MCU: variants seen among roughly 807,000 people sequenced by gnomAD.
MCU encodes mitochondrial calcium uniporter.
MCU carries 12 observed loss-of-function variants against 45.2 expected under a neutral mutation model. The observed-to-expected ratio is 0.27, with a 90% CI of 0.17 to 0.43. The LOEUF (loss-of-function observed/expected upper bound fraction) is 0.43, where lower values mean the gene tolerates loss of function less well. Among genes scored for constraint, MCU ranks in the 20% least tolerant of loss-of-function variants. MCU has a pLI of 1.00. For missense variants in MCU, 324 were observed against 436.7 expected, an observed-to-expected ratio of 0.74 and a Z score of 2.30; for synonymous variants, 160 against 165.1, an observed-to-expected ratio of 0.97 and a Z score of 0.24.
intron 1 of MCU, among the ~76,000 whole-genome samples, chr10:72,813,055 C>T (rs1723368010): frequency 6.6e-6 from 1 of 152,106 alleles, no homozygotes; most frequent in South Asian, 2.1e-4. Flanking sequence ...TAGTTCCTAG[C>T]CCAGTGTCCT....
intron 2 of MCU, among the ~76,000 whole-genome samples, chr10:72,846,542 T>C (rs568080080): frequency 1.3e-5 from 2 of 152,334 alleles, no homozygotes; most frequent in African/African-American, 2.4e-5. Context: ...TGTGGTCAAG[T>C]AACCCTTATT....
chr10:72,792,335 C>T (rs532357482), intron 1 of MCU, among the ~76,000 whole-genome samples: 5 of 152,322 alleles, frequency 3.3e-5, no homozygotes, highest in South Asian at 2.1e-4. Flanking sequence ...CAGGGGCTTA[C>T]AGATCATAGG....
At chr10:72,754,931 A>G (rs1321003352) in intron 1 of MCU, among the ~76,000 whole-genome samples, 2 of 152,346 alleles carry the variant, frequency 1.3e-5, no homozygotes, top group South Asian at 2.1e-4. Context: ...TAGCACTTCT[A>G]CAGAGTTATA....
intron 1 of MCU, among the ~76,000 whole-genome samples, chr10:72,817,677 T>G (rs1844647822): frequency 6.6e-6 from 1 of 152,232 alleles, no homozygotes; most frequent in African/African-American, 2.4e-5. Flanking sequence ...CTCAAACTCT[T>G]AGGCTCAAGC....
chr10:72,851,922 A>G (rs7086495), intron 2 of MCU, among the ~76,000 whole-genome samples: 35 of 152,224 alleles, frequency 2.3e-4, no homozygotes, highest in African/African-American at 8.2e-4. Flanking sequence ...TGGAGGTTAA[A>G]GGAAATATGG....
intron 1 of MCU, among the ~76,000 whole-genome samples, chr10:72,700,059 T>A (rs911302603): frequency 6.2e-4 from 20 of 32,010 alleles, no homozygotes; most frequent in Non-Finnish European, 2.9e-3. Flanking sequence ...TGGGGTCAAA[T>A]TTTTTTTTTT....
At chr10:72,714,767 T>C (rs144223577) in intron 1 of MCU, among the ~76,000 whole-genome samples, 2,858 of 151,728 alleles carry the variant, frequency 0.019, 80 homozygotes, top group African/African-American at 0.065. Flanking sequence ...TGGTCTTGAA[T>C]TCCCAACTTC....
chr10:72,714,326 C>T (rs1450552478), intron 1 of MCU, among the ~76,000 whole-genome samples: 1 of 114,538 alleles, frequency 8.7e-6, no homozygotes, highest in Non-Finnish European at 2.0e-5. Flanking sequence ...GCTGTTACTT[C>T]AGTTCCCCCC....
At chr10:72,840,174 G>A (rs1164522245) in intron 2 of MCU, among the ~76,000 whole-genome samples, 1 of 152,090 alleles carries the variant, frequency 6.6e-6, no homozygotes, top group African/African-American at 2.4e-5. Flanking sequence ...CAGTGTGACA[G>A]TCTCCCTACA....
chr10:72,716,543 A>G (rs753711263), intron 1 of MCU, among the ~76,000 whole-genome samples: 9 of 151,962 alleles, frequency 5.9e-5, no homozygotes, highest in African/African-American at 9.7e-5. Context: ...CACTGGGTGT[A>G]GGCGTTCATT....
intron 1 of MCU, among the ~76,000 whole-genome samples, chr10:72,770,363 T>C (rs1480383206): frequency 6.6e-6 from 1 of 152,182 alleles, no homozygotes; most frequent in African/African-American, 2.4e-5. Flanking sequence ...CTCTAGGGTT[T>C]ATCATATACA....
intron 2 of MCU, among the ~76,000 whole-genome samples, chr10:72,848,336 C>T (rs1055513260): frequency 2.6e-5 from 4 of 152,022 alleles, no homozygotes; most frequent in African/African-American, 7.2e-5. Context: ...AATCCAAGAT[C>T]GAGGAGTCCA....
chr10:72,798,511 C>T (rs556059782), intron 1 of MCU, among the ~76,000 whole-genome samples: 9 of 152,190 alleles, frequency 5.9e-5, no homozygotes, highest in African/African-American at 1.9e-4. Context: ...AGGCTGGTCT[C>T]GACTTCCTGA....
intron 1 of MCU, among the ~76,000 whole-genome samples, chr10:72,711,127 CGAG>C (rs1842887777): frequency 6.6e-6 from 1 of 150,504 alleles, no homozygotes; most frequent in Non-Finnish European, 1.5e-5. Context: ...TGCAGTGAGC[CGAG>C]ATCATGCCAT....
At chr10:72,717,291 G>A (rs1157861462) in intron 1 of MCU, among the ~76,000 whole-genome samples, 3 of 150,088 alleles carry the variant, frequency 2.0e-5, no homozygotes, top group East Asian at 2.0e-4. Flanking sequence ...ATACAGTCTC[G>A]CTCTGTCGCG....
At position 72,699,379 on chromosome 10, in the gene MCU, C is replaced by T. The variant is rs1050840085; in HGVS notation, c.150+7078C>T. Among the ~76,000 whole-genome samples, 4 of 151,750 alleles carry T rather than the reference C, an allele frequency of 2.6e-5. No homozygotes were observed. The East Asian group carries it at 5.8e-4, about 22-fold the overall frequency. ...AAAATTAGCTGGGTGTGGTGGTGCG[C>T]GCCTGTAATCCCAACTACTCGGGAG... is the stretch of plus-strand genomic sequence containing the variant. On this transcript the variant is annotated intron_variant, in intron 1 of 7. Coordinates refer to ENST00000373053, the MANE Select transcript of MCU (RefSeq NM_138357.3).
chr10:72,864,703 C>T (rs1487774044), intron 4 of MCU, among the ~76,000 whole-genome samples: 2 of 152,120 alleles, frequency 1.3e-5, no homozygotes, highest in East Asian at 3.8e-4. Flanking sequence ...GGTGCCCCAA[C>T]ACCCCCGCCA....
At chr10:72,806,044 A>G (rs1844442732) in intron 1 of MCU, among the ~76,000 whole-genome samples, 1 of 152,150 alleles carries the variant, frequency 6.6e-6, no homozygotes. Context: ...ACAGAGGAGA[A>G]TGAAGAATAT....
At chr10:72,716,664 G>A (rs559592473) in intron 1 of MCU, among the ~76,000 whole-genome samples, 4 of 151,868 alleles carry the variant, frequency 2.6e-5, no homozygotes, top group East Asian at 1.9e-4. Context: ...TGTGAGGATC[G>A]CTGGAGGCCA....
Sources: allele counts gnomAD v4.1 joint callset (sites outside exome capture counted in the v4.1 genomes callset), GRCh38; gene constraint gnomAD v4.1.1; transcripts MANE v1.5; gene names NCBI Gene and HGNC (gene_info 2026-07-23, HGNC 2026-07-21).